The following NIPAL2 variants were observed in gnomAD, a reference collection of about 807,000 sequenced individuals.
The protein encoded by NIPAL2 is NIPA-like protein 2.
Under a neutral mutation model 48.9 loss-of-function variants are expected in NIPAL2, and 43 were observed. That is an observed-to-expected ratio of 0.88 (90% CI 0.69 to 1.13). NIPAL2 has a LOEUF of 1.13. NIPAL2 is among the 50% of genes most tolerant of loss of function. The pLI is 0.00. For synonymous variants in NIPAL2, 167 were observed against 174.6 expected, an observed-to-expected ratio of 0.96 and a Z score of 0.34; for missense variants, 446 against 461.4, an observed-to-expected ratio of 0.97 and a Z score of 0.31.
chr8:98,214,665 G>C (rs1380265404), intron 5 of NIPAL2, among the ~76,000 whole-genome samples: 1 of 151,968 alleles, frequency 6.6e-6, no homozygotes, highest in Non-Finnish European at 1.5e-5. Context: ...TCCATTCAAG[G>C]GTTTGCTTGT....
At chr8:98,280,761 T>TATATATATATATATAGAG in intron 1 of NIPAL2, among the ~76,000 whole-genome samples, 122 of 30,018 alleles carry the variant, frequency 4.1e-3, no homozygotes, top group Non-Finnish European at 5.0e-3. Context: ...TATATATATA[T>TATATATATATATATAGAG]AGAGAGAGAG....
At chr8:98,208,532 T>A (rs1384095759) in intron 6 of NIPAL2, among the ~76,000 whole-genome samples, 1 of 152,060 alleles carries the variant, frequency 6.6e-6, no homozygotes, top group South Asian at 2.1e-4. Context: ...CACTGCAATC[T>A]CCACCTCGTG....
rs138475191 is a variant in NIPAL2 at position 98,206,316 on chromosome 8, G to GTGTATATATA, written c.656-1071_656-1070insTATATATACA. On this transcript the variant is annotated intron_variant, in intron 6 of 10. Coordinates refer to ENST00000430223, the MANE Select transcript of NIPAL2 (RefSeq NM_001321635.2). ...AGGTATTTTATGTATGTGTGTGTGT[G>GTGTATATATA]TATATATATATATGTATGTATGTAT... is the stretch of plus-strand genomic sequence containing the variant. Among the ~76,000 whole-genome samples, 67 of 147,670 alleles carry GTGTATATATA rather than the reference G, an allele frequency of 4.5e-4. 1 individual carries two copies. In the South Asian group the frequency reaches 0.012, roughly 26 times the overall value.
Position 98,202,996 on chromosome 8 carries a change from G to C in NIPAL2, c.880+112C>G. ...GTCATAGGGGAAATTCAGACACCAG[G>C]TGGAGGCAACACAGATCCTTACAAC... On this transcript the variant is annotated intron_variant, in intron 8 of 10. Transcript: ENST00000430223. The C allele has an allele frequency of 3.8e-6, 3 of 788,470 alleles. No individual in the cohort carries two copies. In the South Asian group the frequency reaches 5.0e-5, roughly 13 times the overall value. The allele number at this position is 788,470 out of a possible 1,614,324, so 48.8% of individuals were successfully genotyped here.
intron 10 of NIPAL2, chr8:98,193,471 T>G: frequency 6.4e-7 from 1 of 1,550,908 alleles, no homozygotes; most frequent in South Asian, 1.1e-5. Flanking sequence ...GATAGTGACT[T>G]CTAAAGCTAC....
intron 1 of NIPAL2, among the ~76,000 whole-genome samples, chr8:98,278,160 T>A (rs1284212147): frequency 2.0e-5 from 3 of 152,206 alleles, no homozygotes; most frequent in Non-Finnish European, 4.4e-5. Context: ...GTCTAATTGT[T>A]GCTCCTTTGT....
chr8:98,224,468 G>A (rs1812053189), intron 4 of NIPAL2, among the ~76,000 whole-genome samples: 1 of 150,636 alleles, frequency 6.6e-6, no homozygotes, highest in Non-Finnish European at 1.5e-5. Context: ...TAAATCTACT[G>A]GTATTCTACC....
intron 1 of NIPAL2, among the ~76,000 whole-genome samples, chr8:98,259,261 G>C (rs1814139072): frequency 6.6e-6 from 1 of 150,724 alleles, no homozygotes. Context: ...ATTTTTAGTA[G>C]AGACGGGGTT....
At position 98,192,398 on chromosome 8, in the gene NIPAL2, C is replaced by T. The variant is rs1311100134; in HGVS notation, c.*580G>A. Reference sequence around the variant, plus strand: ...TTTGGTGTACACTATCACTGAATGCCATTTATAAATTCTAATTTTAAAGAG... The same window carrying T: ...TTTGGTGTACACTATCACTGAATGCTATTTATAAATTCTAATTTTAAAGAG... On this transcript the variant is annotated 3_prime_UTR_variant, in exon 11 of 11. Coordinates refer to ENST00000430223, the MANE Select transcript of NIPAL2 (RefSeq NM_001321635.2). 6.6e-6 allele frequency: 1 copy of T among 152,494 alleles called. No homozygotes were observed. Among genetic ancestry groups the T allele is most frequent in the East Asian group, 1.9e-4 (1 of 5,204 alleles). The allele number at this position is 152,494 out of a possible 1,614,324, so 9.4% of individuals were successfully genotyped here. A position where few individuals can be genotyped will look rare whatever the true frequency, so the allele number is the denominator to read the frequency against.
At position 98,280,217 on chromosome 8, in the gene NIPAL2, G is replaced by A. The variant is rs138308692; in HGVS notation, c.135+13786C>T. Among the ~76,000 whole-genome samples the A allele has an allele frequency of 7.4e-4, 113 of 152,276 alleles. 2 individuals carry two copies. The East Asian group carries it at 0.02, about 27-fold the overall frequency. The stretch of plus-strand genomic sequence containing the variant: ...TGAACTCAACCATATTCCTGGCTCT[G>A]TCTTCAAACCATAAATTCAAAATCA... On this transcript the variant is annotated intron_variant, in intron 1 of 10. Coordinates refer to ENST00000430223, the MANE Select transcript of NIPAL2 (RefSeq NM_001321635.2).
At chr8:98,228,006 G>C (rs4454250) in intron 4 of NIPAL2, among the ~76,000 whole-genome samples, 112,263 of 152,174 alleles carry the variant, frequency 0.74, 43,044 homozygotes, top group South Asian at 0.85. Flanking sequence ...TGAGCTCTAC[G>C]CAGTGTTGGC....
chr8:98,222,906 C>T (rs1180298643), intron 4 of NIPAL2, among the ~76,000 whole-genome samples: 1 of 152,186 alleles, frequency 6.6e-6, no homozygotes, highest in Non-Finnish European at 1.5e-5. Flanking sequence ...AGAATATGTG[C>T]TACGAAGACG....
At chr8:98,220,637 G>A (rs1166592163) in intron 5 of NIPAL2, among the ~76,000 whole-genome samples, 1 of 152,072 alleles carries the variant, frequency 6.6e-6, no homozygotes, top group African/African-American at 2.4e-5. Flanking sequence ...TCAAACTCCT[G>A]GGCTCGAGTG....
intron 6 of NIPAL2, among the ~76,000 whole-genome samples, chr8:98,208,602 C>T (rs1586310110): frequency 6.6e-6 from 1 of 152,124 alleles, no homozygotes. Context: ...GCACCCACAA[C>T]CACACCTGGC....
chr8:98,227,342 A>G (rs1307190722), intron 4 of NIPAL2, among the ~76,000 whole-genome samples: 1 of 152,136 alleles, frequency 6.6e-6, no homozygotes, highest in African/African-American at 2.4e-5. Context: ...CATAGCCACC[A>G]CAGCTGTGAA....
At chr8:98,236,851 C>CA (rs34210829) in intron 3 of NIPAL2, among the ~76,000 whole-genome samples, 17,013 of 66,584 alleles carry the variant, frequency 0.26, 2,266 homozygotes, top group Non-Finnish European at 0.27. Flanking sequence ...GATCCTGTCT[C>CA]AAAAAAAAAA....
At chr8:98,211,733 A>AGTGTGTGTGTGTGTGTGT (rs1156409051) in intron 6 of NIPAL2, among the ~76,000 whole-genome samples, 77 of 109,148 alleles carry the variant, frequency 7.1e-4, no homozygotes, top group African/African-American at 2.6e-3. Context: ...AGAGAGAGAA[A>AGTGTGTGTGTGTGTGTGT]GTGTGTGTGT....
intron 5 of NIPAL2, among the ~76,000 whole-genome samples, 158 bp downstream of exon 5, chr8:98,222,321 G>C (rs1474255378): frequency 2.0e-5 from 3 of 152,142 alleles, no homozygotes; most frequent in Non-Finnish European, 4.4e-5. Flanking sequence ...TTCTGTTGCT[G>C]ACTTAGTATT....
At position 98,260,471 on chromosome 8, in the gene NIPAL2, G is replaced by A. The variant is rs899402912; in HGVS notation, c.136-6384C>T. On this transcript the variant is annotated intron_variant, in intron 1 of 10. Coordinates refer to ENST00000430223, the MANE Select transcript of NIPAL2 (RefSeq NM_001321635.2). ...CGAGGCATTGCCTCACTTGGGAAGC[G>A]CAAGGGGTCAGGGAGTTCCCTTTCC... is the stretch of plus-strand genomic sequence containing the variant. Among the ~76,000 whole-genome samples the A allele has an allele frequency of 2.8e-4, 43 of 152,332 alleles. 2 individuals carry two copies. The South Asian group carries it at 6.2e-3, about 22-fold the overall frequency.
Sources: gnomAD v4.1 joint callset for allele counts (sites outside exome capture counted in the v4.1 genomes callset) on GRCh38, gnomAD v4.1.1 for gene constraint, MANE v1.5 for transcripts, NCBI Gene and HGNC (gene_info 2026-07-23, HGNC 2026-07-21) for gene names.